The following GGTLC2 variants were observed in gnomAD, a reference collection of about 807,000 sequenced individuals.
GGTLC2 encodes glutathione hydrolase light chain 2.
GGTLC2 carries 13 observed loss-of-function variants against 20.2 expected under a neutral mutation model. That is an observed-to-expected ratio of 0.64 (90% CI 0.42 to 1.02). The LOEUF is 1.02. GGTLC2 is among the 50% of genes least tolerant of loss of function. The pLI is 0.00. For missense variants in GGTLC2, 202 were observed against 301.3 expected (o/e 0.67, Z 2.44); for synonymous variants, 89 against 125.5 (o/e 0.71, Z 1.94).
rs372380978 is a variant in GGTLC2 at position 22,647,216 on chromosome 22, C to A, written c.436C>A (p.Arg146=). The A allele has an allele frequency of 3.8e-5, 61 of 1,611,266 alleles. No homozygotes were observed. Among genetic ancestry groups the A allele is most frequent in the Non-Finnish European group, 4.6e-5 (54 of 1,179,614 alleles). Residue 146 remains arginine (R), a synonymous_variant, in exon 5 of 6, where the codon CGG becomes AGG. Coordinates refer to ENST00000448514, the MANE Select transcript of GGTLC2 (RefSeq NM_199127.3). ...CCTCTGGTTCGGCTATGACGTGAAG[C>A]GGGCCGTGGAGGAGCCCCGGCTGCA... ...YNLWFGYDVK[R]AVEEPRLHNQ...
chr22:22,644,858 C>CT (rs1227218329), intron 1 of GGTLC2, 150 bp downstream of exon 1: 1 of 96,256 alleles, frequency 1.0e-5, no homozygotes. Flanking sequence ...GCACTCCAGC[C>CT]TGGGCAACAG....
intron 1 of GGTLC2, among the ~76,000 whole-genome samples, chr22:22,645,134 C>CCCCTCCCAAAGT (rs1569285437): frequency 9.4e-5 from 14 of 148,766 alleles, no homozygotes; most frequent in African/African-American, 2.7e-4. Context: ...CGTCATGATC[C>CCCCTCCCAAAGT]GCCCTCCCAA....
At chr22:22,646,015 G>A (rs2064066074) in intron 1 of GGTLC2, 16 of 667,384 alleles carry the variant, frequency 2.4e-5, no homozygotes, top group Middle Eastern at 5.1e-4. Context: ...TCTGTTCCCT[G>A]TTGATTCCCC....
chr22:22,647,118 C>G (rs775592505), intron 4 of GGTLC2, 23 bp from the exon 5 acceptor site: 28 of 1,611,604 alleles, frequency 1.7e-5, no homozygotes, highest in Non-Finnish European at 2.1e-5. Context: ...CCTTTTCTCC[C>G]TGGCCGTGCC....
chr22:22,645,283 C>T (rs2064022265), intron 1 of GGTLC2, among the ~76,000 whole-genome samples: 1 of 150,978 alleles, frequency 6.6e-6, no homozygotes, highest in Admixed American at 6.6e-5. Context: ...ACCTCCTCAT[C>T]TCCTCCTCGC....
At chr22:22,647,429 G>A (rs1448684669) in intron 5 of GGTLC2, 139 bp downstream of exon 5, 5 of 1,288,378 alleles carry the variant, frequency 3.9e-6, no homozygotes, top group East Asian at 5.0e-5. Context: ...CCTGTGCCAT[G>A]AGGGCCAAGC....
intron 1 of GGTLC2, among the ~76,000 whole-genome samples, 170 bp downstream of exon 1, chr22:22,644,878 CTCTCTTT>C (rs2063985353): frequency 8.2e-5 from 6 of 72,878 alleles, no homozygotes; most frequent in African/African-American, 2.2e-4. Flanking sequence ...GAGTCAGACT[CTCTCTTT>C]TTTTTTTTTT....
chr22:22,645,724 T>C (rs2064049029), intron 1 of GGTLC2, among the ~76,000 whole-genome samples: 1 of 151,576 alleles, frequency 6.6e-6, no homozygotes, highest in African/African-American at 2.4e-5. Flanking sequence ...TAGGAGGTCC[T>C]GTGGGATGGG....
intron 1 of GGTLC2, among the ~76,000 whole-genome samples, chr22:22,645,452 T>C (rs1006973548): frequency 1.7e-4 from 25 of 149,196 alleles, no homozygotes; most frequent in Non-Finnish European, 2.7e-4. Context: ...TGATGAAGTA[T>C]CCAAAATCAA....
rs1400578257 is a variant in GGTLC2, at chr22:22,646,534, G to A, written c.176+13G>A. 3 of 1,539,602 alleles carry A rather than the reference G, an allele frequency of 1.9e-6. No individual in the cohort carries two copies. Among genetic ancestry groups the A allele is most frequent in the East Asian group, 2.4e-5 (1 of 40,968 alleles). On this transcript the variant is annotated intron_variant, in intron 2 of 5. Coordinates refer to ENST00000448514, the MANE Select transcript of GGTLC2 (RefSeq NM_199127.3). ...CCATCAACCTCTAGTAGGGGCTGCT[G>A]GGCCGCCTGGGTGGGAAAGGGCCAG...
chr22:22,646,629 A>T lies in GGTLC2; in HGVS notation c.176+108A>T, dbSNP rs552177973. 3,468 of 1,406,626 alleles carry T rather than the reference A, an allele frequency of 2.5e-3. 71 individuals carry two copies. The African/African-American group carries it at 0.039, about 16-fold the overall frequency. 87.1% of individuals were successfully genotyped at this position (1,406,626 alleles called of 1,614,324 possible). On this transcript the variant is annotated intron_variant, in intron 2 of 5. Transcript: ENST00000448514. ...CCATCACCTCTTTTCCTGGTGGGAA[A>T]CTGAGGCCCAACCTTGGTAGCTTAT...
rs182858865 is a variant in GGTLC2, at chr22:22,646,975, G to C, written c.305-8G>C. 0.012 allele frequency: 19,744 copies of C among 1,611,634 alleles called. 208 individuals are homozygous for C. Among genetic ancestry groups the C allele is most frequent in the South Asian group, 0.031 (2,856 of 90,976 alleles). ...ACGGGCATCCCTGTCTTCTCCCATC[G>C]GCCACAGGGAAGCAGCCGCTCTCGT... On this transcript the variant is annotated splice_region_variant and splice_polypyrimidine_tract_variant and intron_variant, in intron 3 of 5. Transcript: ENST00000448514.
intron 4 of GGTLC2, 37 bp downstream of exon 4, chr22:22,647,075 A>G (rs763251208): frequency 6.2e-7 from 1 of 1,611,644 alleles, no homozygotes; most frequent in Non-Finnish European, 8.5e-7. Flanking sequence ...GGGCACACAG[A>G]TCACCACAGC....
chr22:22,645,240 C>T lies in GGTLC2; in HGVS notation c.-35+532C>T, dbSNP rs973891054. Among the ~76,000 whole-genome samples the T allele has an allele frequency of 4.0e-5, 6 of 151,280 alleles. No homozygotes were observed. The East Asian group carries it at 6.1e-4, about 15-fold the overall frequency. On this transcript the variant is annotated intron_variant, in intron 1 of 5. Coordinates refer to ENST00000448514, the MANE Select transcript of GGTLC2 (RefSeq NM_199127.3). ...TGAAACTCCCTTGAGGCATTTTCTTCGGCCTTCGGGTCCATCCTCTGTCTC... is the reference window on the plus strand; with the variant it reads ...TGAAACTCCCTTGAGGCATTTTCTTTGGCCTTCGGGTCCATCCTCTGTCTC...
In GGTLC2 at chr22:22,647,136, C is replaced by T; in HGVS notation, c.361-5C>T. 2 of 1,611,682 alleles carry T rather than the reference C, an allele frequency of 1.2e-6. No homozygotes were observed. Among genetic ancestry groups the T allele is most frequent in the Non-Finnish European group, 1.7e-6 (2 of 1,179,804 alleles). ...TTTCTCCCTGGCCGTGCCCACCCTG[C>T]ACAGCCCCCAAGCCATGCTGATCAC... On this transcript the variant is annotated splice_polypyrimidine_tract_variant and splice_region_variant and intron_variant, in intron 4 of 5. Coordinates refer to ENST00000448514, the MANE Select transcript of GGTLC2 (RefSeq NM_199127.3).
chr22:22,646,714 C>G, intron 2 of GGTLC2, 40 bp from the exon 3 acceptor site: 1 of 1,603,076 alleles, frequency 6.2e-7, no homozygotes, highest in Non-Finnish European at 8.5e-7. Flanking sequence ...CAGGCTGGGC[C>G]AGGCAAGGTC....
chr22:22,645,038 G>T (rs550174439), intron 1 of GGTLC2, among the ~76,000 whole-genome samples: 103 of 144,800 alleles, frequency 7.1e-4, no homozygotes, highest in Non-Finnish European at 1.3e-3. Flanking sequence ...GACTACAGGC[G>T]CCCGCCACCA....
At chr22:22,645,054 G>T (rs112625264) in intron 1 of GGTLC2, among the ~76,000 whole-genome samples, 26,943 of 144,996 alleles carry the variant, frequency 0.19, 2,701 homozygotes, top group South Asian at 0.24. Flanking sequence ...CACCACACCC[G>T]GCTAATTTTT....
rs60008056 is a variant in GGTLC2 at position 22,646,767 on chromosome 22, G to A, written c.190G>A (p.Val64Ile). 24,320 of 1,610,208 alleles carry A rather than the reference G, an allele frequency of 0.015. 774 individuals are homozygous for A. Among genetic ancestry groups the A allele is most frequent in the African/African-American group, 0.12 (9,311 of 74,862 alleles). The change falls in exon 3 of 6, where the codon GTC (valine) becomes ATC (isoleucine). Residue 64 changes from valine (V) to isoleucine (I), a missense_variant. Physicochemically the swap from Val to Ile is conservative, Grantham distance 29. Around this residue, in one of 4 missense-constraint regions of GGTLC2, gnomAD observed 71 missense variants for 63.0 expected, o/e 1.13. Coordinates refer to ENST00000448514, the MANE Select transcript of GGTLC2 (RefSeq NM_199127.3). The part of the protein sequence containing the change: ...STINLYFGSK[V>I]RSPVSEILFN... The stretch of plus-strand genomic sequence containing the variant: ...GCTGGGCGGTAGCTTTGGCTCCAAG[G>A]TCCGCTCCCCGGTCAGCGAGATCCT...
Sources: gnomAD v4.1 joint callset for allele counts (sites outside exome capture counted in the v4.1 genomes callset) on GRCh38, gnomAD v4.1.1 for gene constraint, gnomAD v4.1.1 regional missense constraint, MANE v1.5 for transcripts, NCBI Gene and HGNC (gene_info 2026-07-23, HGNC 2026-07-21) for gene names.